CTNNA3: variants seen among roughly 807,000 people sequenced by gnomAD.
CTNNA3 encodes the protein catenin alpha 3, also known as catenin alpha-3.
A neutral mutation model predicts 95.7 loss-of-function variants in CTNNA3; 76 were observed. That is an observed-to-expected ratio of 0.79 (90% CI 0.66 to 0.96). CTNNA3 has a LOEUF of 0.96. Among genes scored for constraint, CTNNA3 ranks in the 40% least tolerant of loss-of-function variants. CTNNA3 has a pLI of 0.00. For missense variants in CTNNA3, 1,191 were observed against 1,089.8 expected, an observed-to-expected ratio of 1.09 and a Z score of -1.31; for synonymous variants, 431 against 374.4, an observed-to-expected ratio of 1.15 and a Z score of -1.74.
intron 7 of CTNNA3, among the ~76,000 whole-genome samples, chr10:67,049,021 T>A (rs1369427384): frequency 1.1e-5 from 1 of 88,230 alleles, no homozygotes; most frequent in African/African-American, 4.5e-5. Flanking sequence ...AAATTTATGA[T>A]GATAACTGGT....
intron 7 of CTNNA3, among the ~76,000 whole-genome samples, chr10:66,797,656 T>C (rs1251005589): frequency 6.6e-6 from 1 of 151,940 alleles, no homozygotes; most frequent in African/African-American, 2.4e-5. Flanking sequence ...ATTTTGCTGT[T>C]TTTAAAGGAG....
At chr10:67,696,572 T>C (rs933563031), upstream of CTNNA3, among the ~76,000 whole-genome samples, 2 of 152,210 alleles carry the variant, frequency 1.3e-5, no homozygotes, top group African/African-American at 4.8e-5. Flanking sequence ...TTCTGAAATA[T>C]TACCTGTCTC....
rs575747730 is a variant in CTNNA3 at position 67,556,850 on chromosome 10, G to T, written c.293-17181C>A. ...TAGTTCTTTTAATTGTGATGTTAGG[G>T]TGTCAATTTTGGATCTTTCCTGCTT... On this transcript the variant is annotated intron_variant, in intron 3 of 17. Coordinates refer to ENST00000433211, the MANE Select transcript of CTNNA3 (RefSeq NM_013266.4). Among the ~76,000 whole-genome samples, 22 of 152,200 alleles carry T rather than the reference G, an allele frequency of 1.4e-4. 1 individual carries two copies. The South Asian group carries it at 3.5e-3, about 24-fold the overall frequency.
At chr10:67,280,145 C>G (rs1839339643) in intron 5 of CTNNA3, among the ~76,000 whole-genome samples, 1 of 150,244 alleles carries the variant, frequency 6.7e-6, no homozygotes, top group Admixed American at 6.6e-5. Context: ...ACTTTTTGAT[C>G]TCCTGTTTCT....
intron 9 of CTNNA3, among the ~76,000 whole-genome samples, chr10:66,712,257 C>G (rs979021451): frequency 4.6e-5 from 7 of 151,954 alleles, no homozygotes; most frequent in Admixed American, 3.9e-4. Flanking sequence ...AGGGAATATC[C>G]AAAAATATGT....
intron 1 of CTNNA3, among the ~76,000 whole-genome samples, chr10:67,732,626 G>A (rs1282700310): frequency 1.3e-5 from 2 of 152,084 alleles, no homozygotes; most frequent in Admixed American, 6.6e-5. Context: ...ATATTTAGTT[G>A]AATAATGAGC....
intron 5 of CTNNA3, among the ~76,000 whole-genome samples, chr10:67,521,074 C>G (rs1371736614): frequency 6.6e-6 from 1 of 152,184 alleles, no homozygotes; most frequent in Non-Finnish European, 1.5e-5. Context: ...ACTGGCTGTT[C>G]TGATCGGAAT....
intron 7 of CTNNA3, among the ~76,000 whole-genome samples, chr10:66,933,987 T>C (rs1023816702): frequency 5.3e-5 from 8 of 152,134 alleles, no homozygotes; most frequent in Non-Finnish European, 1.0e-4. Context: ...GTGAGTTTTC[T>C]GACATTTTAA....
intron 9 of CTNNA3, among the ~76,000 whole-genome samples, chr10:66,763,051 A>G (rs1406607551): frequency 2.6e-5 from 4 of 152,000 alleles, no homozygotes; most frequent in African/African-American, 4.8e-5. Flanking sequence ...GTGTATGTGC[A>G]TGTCTGTGGG....
intron 11 of CTNNA3, among the ~76,000 whole-genome samples, chr10:66,453,223 G>GAAA (rs567411067): frequency 7.3e-6 from 1 of 136,362 alleles, no homozygotes. Flanking sequence ...TCTCAAAAAA[G>GAAA]AAAAAAAAAA....
Position 66,441,548 on chromosome 10 carries a change from T to G in CTNNA3, c.1532-62196A>C, listed in dbSNP as rs74143942. Among the ~76,000 whole-genome samples, 1,208 of 152,324 alleles carry G rather than the reference T, an allele frequency of 7.9e-3. 11 individuals are homozygous for G. Among genetic ancestry groups the G allele is most frequent in the Middle Eastern group, 0.024 (7 of 294 alleles). On this transcript the variant is annotated intron_variant, in intron 11 of 17. Transcript: ENST00000433211. ...GCTTTGCTATTCCAAGACTAAATAA[T>G]TAAGAACTCTTCCAATTCCAGTTAT...
At chr10:66,309,903 CAAAAAATA>C (rs1306612814) in intron 12 of CTNNA3, among the ~76,000 whole-genome samples, 7 of 120,638 alleles carry the variant, frequency 5.8e-5, no homozygotes, top group Admixed American at 1.8e-4. Flanking sequence ...ACCAAAGATA[CAAAAAATA>C]AATAAATAAA....
intron 10 of CTNNA3, among the ~76,000 whole-genome samples, chr10:66,538,737 T>G (rs1841743471): frequency 6.6e-6 from 1 of 152,168 alleles, no homozygotes; most frequent in African/African-American, 2.4e-5. Flanking sequence ...TAGGAACTGC[T>G]GTGGATTTAA....
intron 3 of CTNNA3, among the ~76,000 whole-genome samples, chr10:67,566,072 T>TATATATATATATAC (rs1265158791): frequency 4.6e-4 from 47 of 102,150 alleles, no homozygotes; most frequent in Non-Finnish European, 7.3e-4. Context: ...TATATATATA[T>TATATATATATATAC]ACAAAACCTA....
At chr10:67,240,283 T>A (rs1488302242) in intron 5 of CTNNA3, among the ~76,000 whole-genome samples, 1 of 152,244 alleles carries the variant, frequency 6.6e-6, no homozygotes, top group African/African-American at 2.4e-5. Context: ...GTCTTCTCTC[T>A]GCCAAGATGC....
intron 11 of CTNNA3, among the ~76,000 whole-genome samples, chr10:66,382,954 G>T (rs2092854230): frequency 6.6e-6 from 1 of 152,144 alleles, no homozygotes; most frequent in South Asian, 2.1e-4. Flanking sequence ...CAACATCAAA[G>T]ACCAAAGGTA....
At chr10:66,225,190 C>A (rs893301701) in intron 13 of CTNNA3, among the ~76,000 whole-genome samples, 7 of 151,638 alleles carry the variant, frequency 4.6e-5, no homozygotes, top group African/African-American at 1.7e-4. Flanking sequence ...ACGTCTCTAT[C>A]CTTTCCTCCC....
At chr10:66,523,681 T>C (rs1440269054) in intron 10 of CTNNA3, among the ~76,000 whole-genome samples, 1 of 152,190 alleles carries the variant, frequency 6.6e-6, no homozygotes, top group East Asian at 1.9e-4. Flanking sequence ...GATAATTATC[T>C]AGTCTGTCAG....
intron 7 of CTNNA3, among the ~76,000 whole-genome samples, chr10:66,919,135 A>T (rs1408478735): frequency 2.1e-4 from 5 of 23,418 alleles, no homozygotes; most frequent in Admixed American, 5.8e-4. Flanking sequence ...ACTCTGTCTT[A>T]AAAAAAAAAA....
Sources: allele counts gnomAD v4.1 joint callset (sites outside exome capture counted in the v4.1 genomes callset), GRCh38; gene constraint gnomAD v4.1.1; transcripts MANE v1.5; gene names NCBI Gene and HGNC (gene_info 2026-07-23, HGNC 2026-07-21).